Variants in ZNF146 observed in about 807,000 individuals in gnomAD.
ZNF146 encodes zinc finger protein 146, also known as zinc finger protein OZF.
In ZNF146, 9 loss-of-function variants were observed where a neutral mutation model predicts 22.2. That is an observed-to-expected ratio of 0.41 (90% CI 0.24 to 0.71). The LOEUF (loss-of-function observed/expected upper bound fraction) is 0.71. ZNF146 is among the 30% of genes least tolerant of loss of function. ZNF146 has a pLI of 0.34. For synonymous variants in ZNF146, 108 were observed against 119.2 expected (o/e 0.91, Z 0.61); for missense variants, 194 against 344.8 (o/e 0.56, Z 3.46).
At chr19:36,218,412 C>G (rs2145395028) in intron 2 of ZNF146, among the ~76,000 whole-genome samples, 1 of 151,956 alleles carries the variant, frequency 6.6e-6, no homozygotes. Flanking sequence ...TATTATAGTC[C>G]TGTGTCTGGT....
intron 2 of ZNF146, among the ~76,000 whole-genome samples, chr19:36,221,586 C>G (rs969413219): frequency 3.3e-5 from 5 of 152,138 alleles, no homozygotes; most frequent in African/African-American, 4.8e-5. Context: ...CCGTGCCTGG[C>G]CAAGGCACTA....
intron 2 of ZNF146, among the ~76,000 whole-genome samples, chr19:36,223,685 A>ATAG (rs10692213): frequency 1 from 152,156 of 152,162 alleles, 76,075 homozygotes; most frequent in Non-Finnish European, 1. Context: ...TTTTATGGTT[A>ATAG]TCAGACTTTT....
intron 2 of ZNF146, among the ~76,000 whole-genome samples, chr19:36,222,079 T>TC (rs146981965): frequency 0.047 from 7,127 of 151,928 alleles, 245 homozygotes; most frequent in Non-Finnish European, 0.068. Flanking sequence ...ACAGGCACAC[T>TC]CCACCACACC....
intron 2 of ZNF146, among the ~76,000 whole-genome samples, chr19:36,224,953 A>G (rs541497129): frequency 4.0e-5 from 6 of 150,802 alleles, no homozygotes; most frequent in Non-Finnish European, 7.4e-5. Context: ...TGATTTCTAC[A>G]TACTAATATT....
intron 3 of ZNF146, among the ~76,000 whole-genome samples, chr19:36,232,630 A>G (rs2145449517): frequency 6.9e-6 from 1 of 144,100 alleles, no homozygotes; most frequent in Admixed American, 7.1e-5. Context: ...TTTTCCCGAG[A>G]CATAGTCTCC....
In ZNF146 at chr19:36,236,909, A is replaced by G. The variant is rs1398598358; in HGVS notation, c.469A>G (p.Lys157Glu). 1 of 1,614,038 alleles carries G rather than the reference A, an allele frequency of 6.2e-7. No homozygotes were observed. The highest frequency in any genetic ancestry group is 1.3e-5 in the African/African-American group (1 of 74,932). The change falls in exon 4 of 4, where the codon AAA becomes GAA. Residue 157 changes from lysine to glutamate, a missense_variant. By Grantham distance (56) the Lys-to-Glu change is moderately conservative (BLOSUM62 1). Transcript: ENST00000443387. ...EKIHIGEKPF[K>E]CSECGTAFGQ... ...AATCCATATTGGAGAGAAGCCTTTT[A>G]AATGTAGTGAATGTGGAACAGCCTT...
chr19:36,227,103 T>C lies in ZNF146; in HGVS notation c.-854-1645T>C, dbSNP rs539036203. ...CATCTCAAAAAAAAAAAAATTTTTT[T>C]TTTGGCTGGGCGCAGTGGCTCACAC... On this transcript the variant is annotated intron_variant, in intron 2 of 3. Coordinates refer to ENST00000443387, the MANE Select transcript of ZNF146 (RefSeq NM_007145.3). Among the ~76,000 whole-genome samples the C allele has an allele frequency of 5.9e-4, 87 of 147,380 alleles. 1 individual carries two copies. In the South Asian group the frequency reaches 0.018, roughly 30 times the overall value.
Position 36,217,055 on chromosome 19 carries a change from CTTTTTTTT to C in ZNF146, c.-928-1049_-928-1042del, listed in dbSNP as rs752632008. On this transcript the variant is annotated intron_variant, in intron 1 of 3. Transcript: ENST00000443387. ...AGCTTGGTGGACAGCCAGTCCCTGT[CTTTTTTTT>C]TTTTTTTTTTTTTTTTTGAGATGGA... Among the ~76,000 whole-genome samples, 261 of 65,892 alleles carry C rather than the reference CTTTTTTTT, an allele frequency of 4.0e-3. 3 individuals carry two copies. The highest frequency in any genetic ancestry group is 0.016 in the African/African-American group (249 of 15,658). The allele number at this position is 65,892 out of a possible 152,430, so 43.2% of individuals were successfully genotyped here.
intron 2 of ZNF146, among the ~76,000 whole-genome samples, chr19:36,226,294 T>G (rs1166502792): frequency 6.6e-6 from 1 of 152,242 alleles, no homozygotes; most frequent in Non-Finnish European, 1.5e-5. Flanking sequence ...TTCTCGTGTT[T>G]CTGTCATGTA....
intron 2 of ZNF146, among the ~76,000 whole-genome samples, chr19:36,225,123 C>A (rs1400539801): frequency 6.6e-6 from 1 of 152,040 alleles, no homozygotes; most frequent in Admixed American, 6.6e-5. Flanking sequence ...AAGATACTGG[C>A]TTTTGTGGTC....
At chr19:36,221,488 C>T (rs1976836035) in intron 2 of ZNF146, among the ~76,000 whole-genome samples, 1 of 151,940 alleles carries the variant, frequency 6.6e-6, no homozygotes, top group East Asian at 1.9e-4. Flanking sequence ...CGAGGTTTCA[C>T]CATGTTAGCC....
chr19:36,218,475 C>CT (rs756776418), intron 2 of ZNF146, among the ~76,000 whole-genome samples: 4,594 of 145,316 alleles, frequency 0.032, 88 homozygotes, highest in Non-Finnish European at 0.039. Flanking sequence ...ATTAATATTT[C>CT]TTTTTTTTTT....
intron 2 of ZNF146, among the ~76,000 whole-genome samples, chr19:36,221,177 G>C (rs12461077): frequency 0.17 from 25,173 of 151,556 alleles, 2,505 homozygotes; most frequent in Non-Finnish European, 0.22. Context: ...GATGTATGTA[G>C]TCAAAGAACT....
chr19:36,223,348 A>G (rs2145414508), intron 2 of ZNF146, among the ~76,000 whole-genome samples: 1 of 151,988 alleles, frequency 6.6e-6, no homozygotes, highest in South Asian at 2.1e-4. Flanking sequence ...GTCTCAAAAA[A>G]AAAAAAAAAT....
intron 2 of ZNF146, among the ~76,000 whole-genome samples, chr19:36,220,889 T>C (rs1976807839): frequency 6.6e-6 from 1 of 151,980 alleles, no homozygotes; most frequent in Admixed American, 6.6e-5. Context: ...TCTTACTCTT[T>C]TGCCCAGGGC....
chr19:36,236,004 A>T lies in ZNF146; in HGVS notation c.-437A>T, dbSNP rs1435789893. ...TTAAAACGTTTGTACCTCATCTGTT[A>T]CCAGAGTGTTCATACTGGAGAGAAA... is the stretch of plus-strand genomic sequence containing the variant. On this transcript the variant is annotated 5_prime_UTR_variant, in exon 4 of 4. Transcript: ENST00000443387. 1 of 165,568 alleles carries T rather than the reference A, an allele frequency of 6.0e-6. No individual in the cohort carries two copies. Among genetic ancestry groups the T allele is most frequent in the Non-Finnish European group, 1.3e-5 (1 of 76,626 alleles). 10.3% of individuals were successfully genotyped at this position (165,568 alleles called of 1,614,324 possible). A position where few individuals can be genotyped will look rare whatever the true frequency, so the allele number is the denominator to read the frequency against.
At chr19:36,232,434 A>G (rs1977422441) in intron 3 of ZNF146, among the ~76,000 whole-genome samples, 1 of 152,022 alleles carries the variant, frequency 6.6e-6, no homozygotes, top group South Asian at 2.1e-4. Context: ...TTCTCAGCAA[A>G]TGATACCTTA....
intron 1 of ZNF146, among the ~76,000 whole-genome samples, 177 bp downstream of exon 1, chr19:36,215,373 A>C (rs1469838328): frequency 6.6e-6 from 1 of 152,004 alleles, no homozygotes; most frequent in Non-Finnish European, 1.5e-5. Flanking sequence ...TTTGTCCTCA[A>C]AGTTTGACCT....
chr19:36,233,655 G>A (rs1181077649), intron 3 of ZNF146, among the ~76,000 whole-genome samples: 1 of 152,078 alleles, frequency 6.6e-6, no homozygotes, highest in African/African-American at 2.4e-5. Context: ...TCATAAACAA[G>A]GTAAAGAAAA....
Sources: allele counts gnomAD v4.1 joint callset (sites outside exome capture counted in the v4.1 genomes callset), GRCh38; gene constraint gnomAD v4.1.1; transcripts MANE v1.5; gene names NCBI Gene and HGNC (gene_info 2026-07-23, HGNC 2026-07-21).